RORA: variants seen among roughly 807,000 people sequenced by gnomAD.
RORA encodes the protein RAR related orphan receptor A, also known as nuclear receptor ROR-alpha.
A neutral mutation model predicts 69.5 loss-of-function variants in RORA; 7 were observed. The ratio of observed to expected loss-of-function variants is 0.10; its 90% CI spans 0.06 to 0.19. The LOEUF (loss-of-function observed/expected upper bound fraction) is 0.19. Among genes scored for constraint, RORA ranks in the 10% least tolerant of loss-of-function variants. The pLI is 1.00. For synonymous variants in RORA, 261 were observed against 240.8 expected (o/e 1.08, Z -0.78); for missense variants, 457 against 663.0 (o/e 0.69, Z 3.41).
chr15:61,222,924 GGA>G (rs2080112112), intron 1 of RORA, among the ~76,000 whole-genome samples: 1 of 152,136 alleles, frequency 6.6e-6, no homozygotes, highest in South Asian at 2.1e-4. Flanking sequence ...AGGACTACCT[GGA>G]GTTTCTGTCT....
At chr15:60,827,204 CT>C (rs1319214778) in intron 1 of RORA, among the ~76,000 whole-genome samples, 1 of 152,038 alleles carries the variant, frequency 6.6e-6, no homozygotes, top group Non-Finnish European at 1.5e-5. Flanking sequence ...ATTCTTTTTT[CT>C]TTTTCAGGGC....
chr15:60,680,176 G>A (rs1376845001), intron 1 of RORA, among the ~76,000 whole-genome samples: 2 of 152,148 alleles, frequency 1.3e-5, no homozygotes, highest in Admixed American at 6.5e-5. Flanking sequence ...ATACATTAGT[G>A]CACTTTCAGC....
chr15:61,033,654 C>T (rs933405536), intron 1 of RORA, among the ~76,000 whole-genome samples: 2 of 152,116 alleles, frequency 1.3e-5, no homozygotes, highest in Non-Finnish European at 2.9e-5. Context: ...CCAATTTGGT[C>T]GCCACCAACC....
chr15:60,627,096 A>G, intron 2 of RORA: 1 of 744,894 alleles, frequency 1.3e-6, no homozygotes, highest in South Asian at 1.8e-5. Context: ...GAAGGGTAAC[A>G]GTCCTCATGG....
At chr15:60,641,861 C>T (rs1235288661) in intron 2 of RORA, among the ~76,000 whole-genome samples, 1 of 151,928 alleles carries the variant, frequency 6.6e-6, no homozygotes, top group Non-Finnish European at 1.5e-5. Flanking sequence ...CGGGTATCTG[C>T]TTTAATAAAA....
At chr15:60,817,276 T>C (rs2072831755) in intron 1 of RORA, among the ~76,000 whole-genome samples, 1 of 152,232 alleles carries the variant, frequency 6.6e-6, no homozygotes. Flanking sequence ...ATCGAAAAGT[T>C]ATGTTTAGAC....
At chr15:60,784,982 CA>C (rs2072315788) in intron 1 of RORA, among the ~76,000 whole-genome samples, 1 of 152,116 alleles carries the variant, frequency 6.6e-6, no homozygotes, top group Non-Finnish European at 1.5e-5. Flanking sequence ...AATTACAAAG[CA>C]AAAAGCCAGA....
chr15:60,745,439 A>G (rs1429083208), intron 1 of RORA, among the ~76,000 whole-genome samples: 1 of 152,194 alleles, frequency 6.6e-6, no homozygotes, highest in African/African-American at 2.4e-5. Context: ...AGTTGCTGAG[A>G]CCAAAAACTT....
At chr15:61,083,646 C>G (rs2078578422) in intron 1 of RORA, among the ~76,000 whole-genome samples, 1 of 151,846 alleles carries the variant, frequency 6.6e-6, no homozygotes, top group Admixed American at 6.6e-5. Context: ...AGTTCTCAGG[C>G]ACTAAAGGGG....
intron 2 of RORA, among the ~76,000 whole-genome samples, chr15:60,572,372 C>T (rs1388440624): frequency 1.2e-4 from 18 of 152,148 alleles, no homozygotes; most frequent in Admixed American, 1.1e-3. Context: ...CAAAGCCTTT[C>T]ACAACTTTAC....
intron 2 of RORA, among the ~76,000 whole-genome samples, chr15:60,561,056 G>GTTTTTTTTTTTTTTTTT (rs59042428): frequency 8.4e-6 from 1 of 119,736 alleles, no homozygotes; most frequent in African/African-American, 3.4e-5. Context: ...TTTAACTTGT[G>GTTTTTTTTTTTTTTTTT]TTTTTTTTTT....
intron 2 of RORA, chr15:60,547,768 CTGAAGGAGG>C (rs1567077908): frequency 6.6e-6 from 1 of 151,960 alleles, no homozygotes; most frequent in Non-Finnish European, 1.5e-5. Flanking sequence ...GAAAACATTG[CTGAAGGAGG>C]TGAAAGCCAT....
At chr15:60,673,592 G>A (rs2070508059) in intron 2 of RORA, among the ~76,000 whole-genome samples, 1 of 152,204 alleles carries the variant, frequency 6.6e-6, no homozygotes, top group Non-Finnish European at 1.5e-5. Flanking sequence ...ATCACAATAT[G>A]AGAATCCTCG....
At chr15:60,997,677 TA>T (rs550874480) in intron 1 of RORA, among the ~76,000 whole-genome samples, 6 of 152,150 alleles carry the variant, frequency 3.9e-5, no homozygotes, top group African/African-American at 1.2e-4. Flanking sequence ...AGTTATGGCT[TA>T]AAAAAAATTC....
intron 2 of RORA, among the ~76,000 whole-genome samples, chr15:60,648,564 C>A (rs2070093417): frequency 6.6e-6 from 1 of 152,208 alleles, no homozygotes; most frequent in Admixed American, 6.5e-5. Context: ...ACCAGCTAAT[C>A]ACAACACATG....
chr15:60,516,049 A>ATATATATTTATATATATT (rs2065897157), intron 3 of RORA, among the ~76,000 whole-genome samples: 1 of 5,458 alleles, frequency 1.8e-4, no homozygotes, highest in Non-Finnish European at 3.9e-4. Flanking sequence ...TTATATATTT[A>ATATATATTTATATATATT]TATATATTTA....
chr15:60,707,334 T>TTTTA (rs35301219), intron 1 of RORA, among the ~76,000 whole-genome samples: 35,516 of 135,930 alleles, frequency 0.26, 5,117 homozygotes, highest in East Asian at 0.36. Flanking sequence ...TATTTCTTTA[T>TTTTA]TTTATTTATT....
At chr15:60,691,176 C>T (rs890019489) in intron 1 of RORA, among the ~76,000 whole-genome samples, 2 of 152,212 alleles carry the variant, frequency 1.3e-5, no homozygotes, top group Non-Finnish European at 2.9e-5. Context: ...GTCTCCTTCA[C>T]ATCCATTCAG....
intron 2 of RORA, among the ~76,000 whole-genome samples, chr15:60,540,977 G>A (rs778257875): frequency 2.6e-5 from 4 of 152,146 alleles, no homozygotes; most frequent in Non-Finnish European, 5.9e-5. Context: ...TTAGCCCACA[G>A]CCTGTATTTC....
Sources: gnomAD v4.1 joint callset for allele counts (sites outside exome capture counted in the v4.1 genomes callset) on GRCh38, gnomAD v4.1.1 for gene constraint, MANE v1.5 for transcripts, NCBI Gene and HGNC (gene_info 2026-07-23, HGNC 2026-07-21) for gene names.